Variants in TNFRSF13B observed in about 807,000 individuals in gnomAD.
The protein encoded by TNFRSF13B is TNF receptor superfamily member 13B.
In TNFRSF13B, 34 loss-of-function variants were observed where a neutral mutation model predicts 24.0. The observed-to-expected ratio is 1.41, with a 90% confidence interval of 1.08 to 1.88. The LOEUF (loss-of-function observed/expected upper bound fraction) is 1.88. TNFRSF13B is among the 40% of genes most tolerant of loss of function. The pLI is 0.00. For missense variants in TNFRSF13B, 415 were observed against 380.8 expected (o/e 1.09, Z -0.75); for synonymous variants, 173 against 150.3 (o/e 1.15, Z -1.10).
At chr17:16,953,864 G>C (rs2087607237) in intron 1 of TNFRSF13B, among the ~76,000 whole-genome samples, 1 of 152,130 alleles carries the variant, frequency 6.6e-6, no homozygotes, top group South Asian at 2.1e-4. Flanking sequence ...CCACCTCCCG[G>C]GTTCAAGCAG....
chr17:16,951,165 C>T (rs1011348856), intron 2 of TNFRSF13B, among the ~76,000 whole-genome samples: 7 of 152,278 alleles, frequency 4.6e-5, no homozygotes, highest in East Asian at 3.9e-4. Flanking sequence ...ACCAGGATGT[C>T]GCTGTGACAT....
chr17:16,941,580 C>G, intron 3 of TNFRSF13B: 3 of 987,364 alleles, frequency 3.0e-6, no homozygotes, highest in Non-Finnish European at 3.6e-6. Context: ...TTCATCTTCC[C>G]GCTCTGATGG....
chr17:16,950,764 C>A (rs538010909), intron 2 of TNFRSF13B, among the ~76,000 whole-genome samples: 1 of 152,098 alleles, frequency 6.6e-6, no homozygotes, highest in Non-Finnish European at 1.5e-5. Context: ...GACCTCACAC[C>A]CCTCCCCTCC....
Position 16,972,058 on chromosome 17 carries a change from C to A in TNFRSF13B, c.18G>T (p.Arg6=). The change falls in exon 1 of 5, where the codon CGG becomes CGT. Residue 6 remains arginine, a synonymous_variant. Transcript: ENST00000261652. MSGLG[R]SRRGGRSRVD... ...CACGGCTCCGGCCACCTCGCCTGCT[C>A]CGGCCCAGGCCACTCATTACTCAGG... 1.9e-6 allele frequency: 3 copies of A among 1,614,100 alleles called. No individual in the cohort carries two copies. Among genetic ancestry groups the A allele is most frequent in the Non-Finnish European group, 2.5e-6 (3 of 1,180,036 alleles).
intron 2 of TNFRSF13B, among the ~76,000 whole-genome samples, chr17:16,949,979 G>A (rs537734335): frequency 1.9e-4 from 29 of 152,240 alleles, no homozygotes; most frequent in African/African-American, 6.5e-4. Flanking sequence ...ATGAACCACC[G>A]CATCTGGTCT....
chr17:16,959,611 A>T (rs1183264762), intron 1 of TNFRSF13B, among the ~76,000 whole-genome samples: 1 of 151,938 alleles, frequency 6.6e-6, no homozygotes, highest in Non-Finnish European at 1.5e-5. Flanking sequence ...AAGAGAGATG[A>T]CTCATATTAT....
At chr17:16,946,871 A>C (rs1189096670) in intron 3 of TNFRSF13B, among the ~76,000 whole-genome samples, 1 of 152,176 alleles carries the variant, frequency 6.6e-6, no homozygotes, top group African/African-American at 2.4e-5. Flanking sequence ...TACAGGCATG[A>C]GTCACCATGC....
intron 1 of TNFRSF13B, among the ~76,000 whole-genome samples, chr17:16,967,799 AAC>A (rs1266790971): frequency 6.7e-6 from 1 of 149,880 alleles, no homozygotes; most frequent in African/African-American, 2.4e-5. Flanking sequence ...AAAGAAACCA[AAC>A]ACACTATTTT....
intron 1 of TNFRSF13B, among the ~76,000 whole-genome samples, chr17:16,959,548 T>G (rs1005834633): frequency 6.6e-6 from 1 of 151,942 alleles, no homozygotes; most frequent in African/African-American, 2.4e-5. Flanking sequence ...CAAAAGCTCC[T>G]CTTTGAAAAG....
At chr17:16,943,093 A>G (rs924998129) in intron 3 of TNFRSF13B, among the ~76,000 whole-genome samples, 7 of 152,184 alleles carry the variant, frequency 4.6e-5, no homozygotes, top group East Asian at 3.8e-4. Context: ...CAAGCCTCCA[A>G]TGGCTCTATC....
At position 16,939,422 on chromosome 17, in the gene TNFRSF13B, G is replaced by C; in HGVS notation, c.*125C>G. On this transcript the variant is annotated 3_prime_UTR_variant, in exon 5 of 5. Transcript: ENST00000261652. Reference sequence around the variant, plus strand: ...CTCTCTCTCCCTCTCTGTCTCCTCTGTTTCTCTCCCTCTCTGCCTCCTCTG... The same window carrying C: ...CTCTCTCTCCCTCTCTGTCTCCTCTCTTTCTCTCCCTCTCTGCCTCCTCTG... 8.4e-7 allele frequency: 1 copy of C among 1,188,206 alleles called. No individual in the cohort carries two copies. The highest frequency in any genetic ancestry group is 1.2e-6 in the Non-Finnish European group (1 of 862,978). 73.6% of individuals were successfully genotyped at this position (1,188,206 alleles called of 1,614,324 possible). A position where few individuals can be genotyped will look rare whatever the true frequency, so the allele number is the denominator to read the frequency against.
chr17:16,957,020 C>T (rs1356181845), intron 1 of TNFRSF13B, among the ~76,000 whole-genome samples: 1 of 151,932 alleles, frequency 6.6e-6, no homozygotes, highest in Non-Finnish European at 1.5e-5. Context: ...ATGATAACGA[C>T]GTGTCAGTGT....
intron 1 of TNFRSF13B, among the ~76,000 whole-genome samples, chr17:16,955,427 A>T (rs2087617904): frequency 6.6e-6 from 1 of 152,280 alleles, no homozygotes; most frequent in Admixed American, 6.5e-5. Context: ...ACAAATGAGA[A>T]TTGTTAGAAT....
At chr17:16,940,657 T>A in intron 3 of TNFRSF13B, 146 bp from the exon 4 acceptor site, 1 of 1,502,264 alleles carries the variant, frequency 6.7e-7, no homozygotes, top group East Asian at 2.5e-5. Flanking sequence ...CTGAGGCTGC[T>A]GGGATGCTCT....
intron 1 of TNFRSF13B, among the ~76,000 whole-genome samples, chr17:16,955,288 C>T (rs963728242): frequency 3.9e-5 from 6 of 152,148 alleles, no homozygotes; most frequent in Admixed American, 6.5e-5. Flanking sequence ...CTGGTGCCAA[C>T]GAAGACACGC....
chr17:16,956,512 A>G (rs890910527), intron 1 of TNFRSF13B, among the ~76,000 whole-genome samples: 7 of 152,258 alleles, frequency 4.6e-5, no homozygotes, highest in Admixed American at 4.6e-4. Flanking sequence ...AAGGAAACCG[A>G]CAGAGAACTA....
intron 2 of TNFRSF13B, 21 bp downstream of exon 2, chr17:16,952,425 G>A (rs762226083): frequency 2.2e-5 from 35 of 1,613,760 alleles, no homozygotes; most frequent in African/African-American, 1.9e-4. Flanking sequence ...CTGTCCCCTC[G>A]GCTCAGGCCC....
intron 1 of TNFRSF13B, among the ~76,000 whole-genome samples, chr17:16,956,621 C>G (rs560321514): frequency 6.6e-6 from 1 of 152,312 alleles, no homozygotes; most frequent in East Asian, 1.9e-4. Flanking sequence ...ACCAAAATGT[C>G]CTTCAGTAGG....
chr17:16,939,967 C>T, intron 4 of TNFRSF13B, 170 bp from the exon 5 acceptor site: 3 of 1,101,296 alleles, frequency 2.7e-6, no homozygotes, highest in Non-Finnish European at 3.8e-6. Flanking sequence ...AGAACCTGTG[C>T]CGGGGCAGGG....
Sources: gnomAD v4.1 joint callset for allele counts (sites outside exome capture counted in the v4.1 genomes callset) on GRCh38, gnomAD v4.1.1 for gene constraint, MANE v1.5 for transcripts, NCBI Gene and HGNC (gene_info 2026-07-23, HGNC 2026-07-21) for gene names.